CCDC102A: variants seen among roughly 807,000 people sequenced by gnomAD.
CCDC102A encodes the protein coiled-coil domain-containing protein 102A.
A neutral mutation model predicts 55.5 loss-of-function variants in CCDC102A; 40 were observed. The ratio of observed to expected loss-of-function variants is 0.72; its 90% CI spans 0.56 to 0.94. CCDC102A has a LOEUF of 0.94. CCDC102A is among the 40% of genes least tolerant of loss of function. The pLI is 0.00. For missense variants in CCDC102A, 779 were observed against 768.6 expected (o/e 1.01, Z -0.16); for synonymous variants, 323 against 339.0 (o/e 0.95, Z 0.52).
intron 3 of CCDC102A, 37 bp from the exon 4 acceptor site, chr16:57,521,213 G>T: frequency 6.5e-7 from 1 of 1,529,412 alleles, no homozygotes; most frequent in Non-Finnish European, 9.0e-7. Context: ...AGCCCACCAA[G>T]GCCCTCTGCT....
At chr16:57,536,945 C>G (rs933690066), upstream of CCDC102A, among the ~76,000 whole-genome samples, 4 of 152,206 alleles carry the variant, frequency 2.6e-5, no homozygotes, top group African/African-American at 9.6e-5. Flanking sequence ...CTTACCAAGT[C>G]TTCACTGTTG....
intron 8 of CCDC102A, among the ~76,000 whole-genome samples, chr16:57,513,469 G>GA (rs1351643951): frequency 1.3e-5 from 2 of 152,252 alleles, no homozygotes; most frequent in Non-Finnish European, 2.9e-5. Flanking sequence ...ACACGTAAGG[G>GA]AGGGGCACAG....
chr16:57,522,543 G>A (rs1446218056), intron 3 of CCDC102A, among the ~76,000 whole-genome samples: 2 of 152,144 alleles, frequency 1.3e-5, no homozygotes, highest in Non-Finnish European at 2.9e-5. Flanking sequence ...CATGAGCCAC[G>A]GTGCCCGGCT....
intron 3 of CCDC102A, among the ~76,000 whole-genome samples, chr16:57,523,775 G>A (rs1344387763): frequency 4.6e-5 from 7 of 152,002 alleles, no homozygotes; most frequent in African/African-American, 1.7e-4. Context: ...GTAAAACTCC[G>A]TCTCTATGAA....
At position 57,528,622 on chromosome 16, in the gene CCDC102A, C is replaced by A; in HGVS notation, c.556G>T (p.Val186Phe). The change falls in exon 2 of 9, where the codon GTC (valine) becomes TTC (phenylalanine). Residue 186 changes from valine to phenylalanine, a missense_variant. Val to Phe is a conservative substitution (Grantham distance 50, BLOSUM62 -1). Coordinates refer to ENST00000258214, the MANE Select transcript of CCDC102A (RefSeq NM_033212.4). ...PEAEREPVRD[V>F]GSERPPGSQE... is the part of the protein sequence containing the mutation. Reference sequence around the variant, plus strand: ...CTGCCTGGCGGCCTCTCGGACCCGACGTCACGCACTGGCTCGCGCTCCGCT... The same window carrying A: ...CTGCCTGGCGGCCTCTCGGACCCGAAGTCACGCACTGGCTCGCGCTCCGCT... 2 of 1,278,870 alleles carry A rather than the reference C, an allele frequency of 1.6e-6. No homozygotes were observed. Among genetic ancestry groups the A allele is most frequent in the Non-Finnish European group, 2.0e-6 (2 of 1,004,776 alleles). 79.2% of individuals were successfully genotyped at this position (1,278,870 alleles called of 1,614,324 possible). A position where few individuals can be genotyped will look rare whatever the true frequency, so the allele number is the denominator to read the frequency against.
chr16:57,516,143 G>A lies in CCDC102A; in HGVS notation c.1419+150C>T, dbSNP rs1348624743. ...GTCCATCCTGCCATCCATTCATCAC[G>A]CACCTACCCACTCTATCCTGGGCGA... On this transcript the variant is annotated intron_variant, in intron 7 of 8. Coordinates refer to ENST00000258214, the MANE Select transcript of CCDC102A (RefSeq NM_033212.4). This position sits in a 1 kb window ranked among gnomAD's most constrained non-coding sequence, Gnocchi z 4.4. 3.1e-5 allele frequency: 21 copies of A among 688,082 alleles called. No homozygotes were observed. The highest frequency in any genetic ancestry group is 4.1e-4 in the Middle Eastern group (1 of 2,456). 42.6% of individuals were successfully genotyped at this position (688,082 alleles called of 1,614,324 possible).
intron 4 of CCDC102A, among the ~76,000 whole-genome samples, chr16:57,520,007 C>T (rs906713446): frequency 6.6e-6 from 1 of 152,232 alleles, no homozygotes; most frequent in Non-Finnish European, 1.5e-5. Context: ...AGCCCCCACA[C>T]TGCAGTGGTG....
chr16:57,517,039 T>C (rs1197796324), intron 6 of CCDC102A, among the ~76,000 whole-genome samples: 1 of 152,144 alleles, frequency 6.6e-6, no homozygotes, highest in Non-Finnish European at 1.5e-5. Flanking sequence ...GGTCCAGGTC[T>C]CCTCCCTCTC....
At chr16:57,528,167 C>T (rs1193449599) in intron 2 of CCDC102A, among the ~76,000 whole-genome samples, 5 of 152,208 alleles carry the variant, frequency 3.3e-5, no homozygotes, top group Non-Finnish European at 7.3e-5. Flanking sequence ...CTAGTCTCAG[C>T]TTAAATGTGA....
intron 3 of CCDC102A, among the ~76,000 whole-genome samples, chr16:57,523,476 AT>A (rs766409543): frequency 4.0e-3 from 582 of 143,896 alleles, no homozygotes; most frequent in Middle Eastern, 0.015. Flanking sequence ...CATTATAGTG[AT>A]TTTTTTTTTT....
chr16:57,517,942 C>T (rs181396595), intron 6 of CCDC102A, 126 bp downstream of exon 6: 5 of 1,123,994 alleles, frequency 4.4e-6, no homozygotes, highest in African/African-American at 3.1e-5. Flanking sequence ...TGGTCTAGCA[C>T]ACAAGGTGCT....
rs372000820 is a variant in CCDC102A at position 57,516,519 on chromosome 16, G to A, written c.1249-56C>T. On this transcript the variant is annotated intron_variant, in intron 6 of 8. Coordinates refer to ENST00000258214, the MANE Select transcript of CCDC102A (RefSeq NM_033212.4). This position sits in a 1 kb window ranked among gnomAD's most constrained non-coding sequence, Gnocchi z 4.4. ...GGAGGGAATCAGTATCAGCTTGGGC[G>A]CCATGCCAGGGAGTCCCACGAGGTC... is the stretch of plus-strand genomic sequence containing the variant. The A allele has an allele frequency of 3.0e-5, 45 of 1,509,894 alleles. No individual in the cohort carries two copies. In the East Asian group the frequency reaches 4.8e-4, roughly 16 times the overall value. 93.5% of individuals were successfully genotyped at this position (1,509,894 alleles called of 1,614,324 possible). A position where few individuals can be genotyped will look rare whatever the true frequency, so the allele number is the denominator to read the frequency against.
At chr16:57,517,927 C>G (rs572409651) in intron 6 of CCDC102A, 141 bp downstream of exon 6, 1 of 973,962 alleles carries the variant, frequency 1.0e-6, no homozygotes, top group South Asian at 1.6e-5. Flanking sequence ...ACTATAATTA[C>G]CAACTGGTCT....
chr16:57,524,055 G>A (rs1312674760), intron 3 of CCDC102A, among the ~76,000 whole-genome samples: 1 of 152,094 alleles, frequency 6.6e-6, no homozygotes, highest in Non-Finnish European at 1.5e-5. Flanking sequence ...GAGGATGTAG[G>A]GATCCCACAC....
At chr16:57,535,857 C>T (rs1430864715) in intron 1 of CCDC102A, among the ~76,000 whole-genome samples, 1 of 152,188 alleles carries the variant, frequency 6.6e-6, no homozygotes, top group Non-Finnish European at 1.5e-5. Context: ...ATCCAACCCC[C>T]ACAAGAGCCC....
At chr16:57,518,318 G>T in intron 5 of CCDC102A, 41 bp from the exon 6 acceptor site, 1 of 1,580,072 alleles carries the variant, frequency 6.3e-7, no homozygotes, top group South Asian at 1.1e-5. Flanking sequence ...CCAGCGGAGG[G>T]GGCATGCAGG....
chr16:57,525,066 C>T (rs1316126246), intron 3 of CCDC102A, among the ~76,000 whole-genome samples: 2 of 151,108 alleles, frequency 1.3e-5, no homozygotes, highest in South Asian at 2.1e-4. Flanking sequence ...CCCTTGTCCA[C>T]GCTCATCGTT....
In CCDC102A at chr16:57,516,606, G is replaced by C; in HGVS notation, c.1249-143C>G. 1.4e-6 allele frequency: 1 copy of C among 710,274 alleles called. No homozygotes were observed. The highest frequency in any genetic ancestry group is 2.4e-6 in the Non-Finnish European group (1 of 417,968). The allele number at this position is 710,274 out of a possible 1,614,324, so 44.0% of individuals were successfully genotyped here. ...AGAATCTCTCCATCTGTTGTCTGAA[G>C]TATCAGCAGTAGAGGTTTGGCTGAG... On this transcript the variant is annotated intron_variant, in intron 6 of 8. Transcript: ENST00000258214. This position sits in a 1 kb window ranked among gnomAD's most constrained non-coding sequence, Gnocchi z 4.4.
In CCDC102A at chr16:57,515,336, C is replaced by T. The variant is rs1209331933; in HGVS notation, c.1523+5G>A. 6.4e-7 allele frequency: 1 copy of T among 1,561,026 alleles called. No homozygotes were observed. The highest frequency in any genetic ancestry group is 8.7e-7 in the Non-Finnish European group (1 of 1,142,950). ...CCCTGTTTCTGTTCCCTGCCCGGGG[C>T]CCACCTGGACTGCAGGTGCTCCAGT... On this transcript the variant is annotated splice_donor_5th_base_variant and intron_variant, in intron 8 of 8. Coordinates refer to ENST00000258214, the MANE Select transcript of CCDC102A (RefSeq NM_033212.4).
Sources: gnomAD v4.1 joint callset for allele counts (sites outside exome capture counted in the v4.1 genomes callset) on GRCh38, gnomAD v4.1.1 for gene constraint, Gnocchi (gnomAD v3.1) non-coding constraint, MANE v1.5 for transcripts, NCBI Gene and HGNC (gene_info 2026-07-23, HGNC 2026-07-21) for gene names.